The following KIF13B variants were observed in gnomAD, a reference collection of about 807,000 sequenced individuals.
KIF13B encodes the protein kinesin family member 13B, also known as kinesin-like protein KIF13B.
KIF13B carries 127 observed loss-of-function variants against 222.0 expected under a neutral mutation model. That is an observed-to-expected ratio of 0.57 (90% confidence interval 0.50 to 0.66). The LOEUF is 0.66. KIF13B is among the 30% of genes least tolerant of loss of function. KIF13B has a pLI of 0.00. For synonymous variants in KIF13B, 976 were observed against 919.0 expected (o/e 1.06, Z -1.12); for missense variants, 2,173 against 2,379.0 (o/e 0.91, Z 1.80).
chr8:29,123,520 G>T, intron 27 of KIF13B, 28 bp from the exon 28 acceptor site: 1 of 1,612,174 alleles, frequency 6.2e-7, no homozygotes, highest in South Asian at 1.1e-5. Flanking sequence ...AGGATTCAAT[G>T]ACAAAACTTC....
chr8:29,112,713 CCCT>C (rs1417395923), intron 32 of KIF13B, among the ~76,000 whole-genome samples: 2 of 152,170 alleles, frequency 1.3e-5, no homozygotes, highest in Non-Finnish European at 2.9e-5. Context: ...TCCCTTAGGA[CCCT>C]CACTTCTCCT....
At position 29,167,576 on chromosome 8, in the gene KIF13B, C is replaced by A. The variant is rs770147879; in HGVS notation, c.955G>T (p.Gly319Trp). 5 of 1,613,772 alleles carry A rather than the reference C, an allele frequency of 3.1e-6. No individual in the cohort carries two copies. Among genetic ancestry groups the A allele is most frequent in the Non-Finnish European group, 3.4e-6 (4 of 1,179,714 alleles). ...VLTWLLKDSL[G>W]GNSKTAMVAT... ...ACCATGGCGGTCTTGCTGTTACCCC[C>A]GAGGCTGTCCTACAGGAGAAAACAG... Residue 319 changes from glycine to tryptophan, a missense_variant, in exon 11 of 40, where the codon GGG (glycine) becomes TGG (tryptophan). Around this residue, in one of 2 missense-constraint regions of KIF13B, gnomAD observed 1,480 missense variants for 1,722.8 expected, o/e 0.86. Transcript: ENST00000524189.
chr8:29,242,384 G>T (rs2130638644), intron 2 of KIF13B, among the ~76,000 whole-genome samples: 1 of 152,178 alleles, frequency 6.6e-6, no homozygotes, highest in South Asian at 2.1e-4. Context: ...TTTACTACAG[G>T]ATAAAAGTTT....
intron 37 of KIF13B, among the ~76,000 whole-genome samples, chr8:29,079,110 C>T (rs1050161408): frequency 6.6e-6 from 1 of 152,198 alleles, no homozygotes; most frequent in Admixed American, 6.5e-5. Context: ...CAAGGGGACA[C>T]ACCTTGCTTT....
At position 29,146,260 on chromosome 8, in the gene KIF13B, A is replaced by T; in HGVS notation, c.2187+118T>A. 5 of 1,003,358 alleles carry T rather than the reference A, an allele frequency of 5.0e-6. No homozygotes were observed. In the South Asian group the frequency reaches 5.2e-5, roughly 10 times the overall value. The allele number at this position is 1,003,358 out of a possible 1,614,324, so 62.2% of individuals were successfully genotyped here. On this transcript the variant is annotated intron_variant, in intron 18 of 39. Coordinates refer to ENST00000524189, the MANE Select transcript of KIF13B (RefSeq NM_015254.4). ...AATTCTACCCAAAAGCATGGAGGACAAAGGATCTGGACTTGGGGCAGGCAC... is the reference window on the plus strand; with the variant it reads ...AATTCTACCCAAAAGCATGGAGGACTAAGGATCTGGACTTGGGGCAGGCAC...
chr8:29,097,199 A>C (rs1198614430), intron 36 of KIF13B, among the ~76,000 whole-genome samples: 1 of 152,244 alleles, frequency 6.6e-6, no homozygotes, highest in Non-Finnish European at 1.5e-5. Flanking sequence ...GAGAGATTTC[A>C]AGGTAAGAGT....
At chr8:29,107,592 C>T (rs536443076) in intron 35 of KIF13B, among the ~76,000 whole-genome samples, 6 of 148,578 alleles carry the variant, frequency 4.0e-5, no homozygotes, top group Non-Finnish European at 5.9e-5. Flanking sequence ...GACAGAGTCT[C>T]GCTGTTGCCC....
At chr8:29,209,272 G>A (rs1814098291) in intron 2 of KIF13B, among the ~76,000 whole-genome samples, 1 of 152,182 alleles carries the variant, frequency 6.6e-6, no homozygotes, top group Non-Finnish European at 1.5e-5. Context: ...CCAGGCTACA[G>A]AAAGAACAGG....
intron 29 of KIF13B, among the ~76,000 whole-genome samples, chr8:29,120,061 T>A (rs1403917895): frequency 1.3e-5 from 2 of 152,214 alleles, no homozygotes; most frequent in Non-Finnish European, 2.9e-5. Flanking sequence ...TTCCATTTTC[T>A]ATTTTCCCTC....
chr8:29,262,932 G>C, intron 1 of KIF13B, 48 bp downstream of exon 1: 1 of 1,484,444 alleles, frequency 6.7e-7, no homozygotes, highest in South Asian at 1.3e-5. Flanking sequence ...GGGCGCGCCA[G>C]GCACCTGCCG....
At position 29,118,766 on chromosome 8, in the gene KIF13B, A is replaced by C. The variant is rs571362064; in HGVS notation, c.3660+102T>G. 1.4e-5 allele frequency: 17 copies of C among 1,198,306 alleles called. No individual in the cohort carries two copies. The South Asian group carries it at 2.5e-4, about 18-fold the overall frequency. 74.2% of individuals were successfully genotyped at this position (1,198,306 alleles called of 1,614,324 possible). A position where few individuals can be genotyped will look rare whatever the true frequency, so the allele number is the denominator to read the frequency against. The stretch of plus-strand genomic sequence containing the variant: ...AGGTTTTGCTTTATGTATTTTGAGA[A>C]ATGTAAAGTACTGGCATGATTGCCT... On this transcript the variant is annotated intron_variant, in intron 30 of 39. Coordinates refer to ENST00000524189, the MANE Select transcript of KIF13B (RefSeq NM_015254.4).
At chr8:29,166,474 G>GT (rs374882318) in intron 11 of KIF13B, among the ~76,000 whole-genome samples, 181 of 152,260 alleles carry the variant, frequency 1.2e-3, no homozygotes, top group African/African-American at 3.9e-3. Flanking sequence ...CGAGGCGGGC[G>GT]TATCACCTGA....
chr8:29,150,400 T>C lies in KIF13B; in HGVS notation c.1536-17A>G, dbSNP rs1312021303. On this transcript the variant is annotated splice_polypyrimidine_tract_variant and intron_variant, in intron 14 of 39. Transcript: ENST00000524189. ...ACAAATGTTCTGTAAGGAGAAGAGA[T>C]CAAACGTGAATGATGAGTACAGTAT... 5 of 1,334,780 alleles carry C rather than the reference T, an allele frequency of 3.7e-6. No individual in the cohort carries two copies. The highest frequency in any genetic ancestry group is 4.3e-6 in the Non-Finnish European group (4 of 935,024). The allele number at this position is 1,334,780 out of a possible 1,614,324, so 82.7% of individuals were successfully genotyped here.
intron 21 of KIF13B, among the ~76,000 whole-genome samples, chr8:29,136,825 C>T (rs180723898): frequency 8.5e-6 from 1 of 117,556 alleles, no homozygotes; most frequent in Non-Finnish European, 1.6e-5. Flanking sequence ...TTTGAGATGG[C>T]GTCTCGCTCT....
chr8:29,150,679 C>T (rs1811257590), intron 14 of KIF13B, among the ~76,000 whole-genome samples: 1 of 152,188 alleles, frequency 6.6e-6, no homozygotes, highest in South Asian at 2.1e-4. Flanking sequence ...AGATACTTTT[C>T]AAACAGCACG....
chr8:29,111,278 G>C (rs1300442544), intron 32 of KIF13B, among the ~76,000 whole-genome samples: 1 of 152,176 alleles, frequency 6.6e-6, no homozygotes, highest in Non-Finnish European at 1.5e-5. Context: ...ATACTTTCAG[G>C]GTCTGGAGGG....
chr8:29,256,460 T>C (rs1816482272), intron 1 of KIF13B, among the ~76,000 whole-genome samples: 1 of 152,194 alleles, frequency 6.6e-6, no homozygotes, highest in African/African-American at 2.4e-5. Flanking sequence ...ATTTCTTTAA[T>C]TCATGATTGG....
chr8:29,197,729 G>A (rs1813504651), intron 2 of KIF13B, among the ~76,000 whole-genome samples: 1 of 152,100 alleles, frequency 6.6e-6, no homozygotes, highest in Admixed American at 6.6e-5. Context: ...TAAAGACCAT[G>A]GCTTCAGGCT....
chr8:29,210,075 G>A (rs376803438), intron 2 of KIF13B, among the ~76,000 whole-genome samples: 6 of 146,830 alleles, frequency 4.1e-5, no homozygotes, highest in African/African-American at 1.5e-4. Context: ...AAAAAAAAAA[G>A]GATCCTTGAT....
Sources: allele counts gnomAD v4.1 joint callset (sites outside exome capture counted in the v4.1 genomes callset), GRCh38; gene constraint gnomAD v4.1.1; regional missense constraint gnomAD v4.1.1; transcripts MANE v1.5; gene names NCBI Gene and HGNC (gene_info 2026-07-23, HGNC 2026-07-21).